MIOX: variants seen among roughly 807,000 people sequenced by gnomAD.
MIOX encodes the protein myo-inositol oxygenase.
Under a neutral mutation model 42.7 loss-of-function variants are expected in MIOX, and 51 were observed. That is an observed-to-expected ratio of 1.19 (90% confidence interval 0.95 to 1.51). The LOEUF is 1.51. MIOX is among the 40% of genes most tolerant of loss of function. MIOX has a pLI of 0.00. For synonymous variants in MIOX, 168 were observed against 154.4 expected (o/e 1.09, Z -0.65); for missense variants, 395 against 381.3 (o/e 1.04, Z -0.30).
chr22:50,487,478 C>T lies in MIOX; in HGVS notation c.96+13C>T, dbSNP rs746385636. 6.2e-7 allele frequency: 1 copy of T among 1,608,630 alleles called. No homozygotes were observed. Among genetic ancestry groups the T allele is most frequent in the East Asian group, 2.2e-5 (1 of 44,886 alleles). ...CCGGAACTACACGGTGAGTACCTTG[C>T]CGTCCTGCCCCCCTTCTCCCCCATC... is the stretch of plus-strand genomic sequence containing the variant. On this transcript the variant is annotated intron_variant, in intron 2 of 9. Coordinates refer to ENST00000216075, the MANE Select transcript of MIOX (RefSeq NM_017584.6).
chr22:50,489,339 G>A (rs1193735585), intron 7 of MIOX, 44 bp downstream of exon 7: 2 of 1,448,154 alleles, frequency 1.4e-6, no homozygotes, highest in Admixed American at 2.1e-5. Flanking sequence ...GGCGGTGGGG[G>A]ACGGTGGGGG....
chr22:50,488,160 TGCCTGGGTTGG>T lies in MIOX; in HGVS notation c.341-113_341-103del, dbSNP rs982524567. The stretch of plus-strand genomic sequence containing the variant: ...GGGCCCAGGCCTCCTCCAGCAGCCC[TGCCTGGGTTGG>T]GGAGCAGGCCCTGGACCCTTCCTGG... On this transcript the variant is annotated intron_variant, in intron 4 of 9. Coordinates refer to ENST00000216075, the MANE Select transcript of MIOX (RefSeq NM_017584.6). The T allele has an allele frequency of 1.9e-4, 308 of 1,583,092 alleles. 2 individuals are homozygous for T. Among genetic ancestry groups the T allele is most frequent in the Non-Finnish European group, 3.1e-5 (36 of 1,161,152 alleles).
In MIOX at chr22:50,488,458, G is replaced by A. The variant is rs937955204; in HGVS notation, c.408+116G>A. The A allele has an allele frequency of 3.3e-5, 28 of 846,398 alleles. No homozygotes were observed. The Admixed American group carries it at 5.0e-4, about 15-fold the overall frequency. The allele number at this position is 846,398 out of a possible 1,614,324, so 52.4% of individuals were successfully genotyped here. A position where few individuals can be genotyped will look rare whatever the true frequency, so the allele number is the denominator to read the frequency against. ...GGGGACAGGCCAGTGCACCCCCCAC[G>A]GCCCCCCGACGGCTGCCTGTCCCTC... is the stretch of plus-strand genomic sequence containing the variant. On this transcript the variant is annotated intron_variant, in intron 5 of 9. Coordinates refer to ENST00000216075, the MANE Select transcript of MIOX (RefSeq NM_017584.6).
chr22:50,489,018 C>CGTCCCGTCCCTCCT, intron 5 of MIOX, 22 bp from the exon 6 acceptor site: 1 of 1,449,932 alleles, frequency 6.9e-7, no homozygotes, highest in Non-Finnish European at 9.5e-7. Context: ...CATGGCCTCC[C>CGTCCCGTCCCTCCT]GTCCCTCCTG....
Position 50,490,147 on chromosome 22 carries a change from C to T in MIOX, c.*291C>T. The T allele has an allele frequency of 2.1e-6, 1 of 465,690 alleles. No individual in the cohort carries two copies. The highest frequency in any genetic ancestry group is 4.0e-6 in the Non-Finnish European group (1 of 252,896). 28.8% of individuals were successfully genotyped at this position (465,690 alleles called of 1,614,324 possible). A position where few individuals can be genotyped will look rare whatever the true frequency, so the allele number is the denominator to read the frequency against. On this transcript the variant is annotated 3_prime_UTR_variant, in exon 10 of 10. Transcript: ENST00000216075. ...GTCCCAGGCTTTCAGGTGTGTGTGTCCCACCACACTGGCCGTGGTAAACAT... is the reference window on the plus strand; with the variant it reads ...GTCCCAGGCTTTCAGGTGTGTGTGTTCCACCACACTGGCCGTGGTAAACAT...
chr22:50,488,672 C>T (rs2068308530), intron 5 of MIOX, among the ~76,000 whole-genome samples: 1 of 148,208 alleles, frequency 6.7e-6, no homozygotes, highest in Non-Finnish European at 1.5e-5. Context: ...CCATGGCCGC[C>T]TGTCCCTCCT....
intron 1 of MIOX, 27 bp downstream of exon 1, chr22:50,486,939 G>A (rs1223942070): frequency 6.2e-7 from 1 of 1,612,972 alleles, no homozygotes; most frequent in African/African-American, 1.3e-5. Flanking sequence ...CATGCAGAGA[G>A]GCTCTGCTGA....
intron 4 of MIOX, 26 bp from the exon 5 acceptor site, chr22:50,488,249 A>T (rs201871327): frequency 8.7e-6 from 14 of 1,613,490 alleles, no homozygotes; most frequent in Non-Finnish European, 7.6e-6. Flanking sequence ...GCAGTCCCCA[A>T]CCTGCCCTGT....
chr22:50,487,611 G>A (rs1310763208), intron 2 of MIOX, 51 bp from the exon 3 acceptor site: 1 of 1,578,376 alleles, frequency 6.3e-7, no homozygotes, highest in African/African-American at 1.3e-5. Context: ...GGGGAGGCAT[G>A]GGGCCTCGTG....
At chr22:50,488,848 G>A (rs533270596) in intron 5 of MIOX, among the ~76,000 whole-genome samples, 192 bp from the exon 6 acceptor site, 2 of 65,172 alleles carry the variant, frequency 3.1e-5, no homozygotes, top group African/African-American at 1.1e-4. Context: ...GGCAGTCATC[G>A]GCAACATCTT....
At position 50,487,429 on chromosome 22, in the gene MIOX, G is replaced by A. The variant is rs142061192; in HGVS notation, c.60G>A (p.Glu20=). The change falls in exon 2 of 10, where the codon GAG becomes GAA. Residue 20 remains glutamate (E), a synonymous_variant. Coordinates refer to ENST00000216075, the MANE Select transcript of MIOX (RefSeq NM_017584.6). The stretch of plus-strand genomic sequence containing the variant: ...TCTACCGACCTGATGTGGACCCAGA[G>A]GTGGCCAAAGACAAGGCCAGCTTCC... ...SLVYRPDVDP[E]VAKDKASFRN... The A allele has an allele frequency of 6.2e-7, 1 of 1,613,772 alleles. No homozygotes were observed. Among genetic ancestry groups the A allele is most frequent in the African/African-American group, 1.3e-5 (1 of 74,910 alleles).
At chr22:50,487,307 C>A in intron 1 of MIOX, 78 bp from the exon 2 acceptor site, 2 of 1,269,052 alleles carry the variant, frequency 1.6e-6, no homozygotes, top group Non-Finnish European at 2.2e-6. Flanking sequence ...TTGGAGTCTG[C>A]AGCCACCCTG....
chr22:50,488,168 T>C (rs2068298125), intron 4 of MIOX, 107 bp from the exon 5 acceptor site: 1 of 1,583,780 alleles, frequency 6.3e-7, no homozygotes, highest in Admixed American at 1.8e-5. Context: ...CCTGCCTGGG[T>C]TGGGGAGCAG....
At chr22:50,487,834 G>A in intron 3 of MIOX, 52 bp from the exon 4 acceptor site, 2 of 1,612,136 alleles carry the variant, frequency 1.2e-6, no homozygotes, top group East Asian at 2.2e-5. Flanking sequence ...GGAGAGGCCT[G>A]TGTGGTGGGC....
At chr22:50,488,107 A>G in intron 4 of MIOX, 59 bp downstream of exon 4, 2 of 1,606,898 alleles carry the variant, frequency 1.2e-6, no homozygotes, top group Non-Finnish European at 1.7e-6. Flanking sequence ...AGAATGCAGC[A>G]GCCTGTAGGG....
chr22:50,489,559 T>G lies in MIOX; in HGVS notation c.664T>G (p.Phe222Val). The change falls in exon 9 of 10, where the codon TTC becomes GTC. Residue 222 changes from phenylalanine (F) to valine (V), a missense_variant. Transcript: ENST00000216075. Reference protein sequence around the residue: ...EAFYMIRFHSFYPWHTGRDYQ... With the variant: ...EAFYMIRFHSVYPWHTGRDYQ... ...TTTCTACATGATCCGGTTCCACTCC[T>G]TCTACCCCTGGCACACGGGCCGCGA... 6.2e-7 allele frequency: 1 copy of G among 1,612,724 alleles called. No homozygotes were observed. Among genetic ancestry groups the G allele is most frequent in the Non-Finnish European group, 8.5e-7 (1 of 1,179,870 alleles).
At chr22:50,487,003 C>T (rs1021734659) in intron 1 of MIOX, 91 bp downstream of exon 1, 2 of 1,510,218 alleles carry the variant, frequency 1.3e-6, no homozygotes, top group African/African-American at 2.8e-5. Flanking sequence ...CACTGGCCAG[C>T]CCTCCTCCTC....
rs960908091 is a variant in MIOX, at chr22:50,487,595, G to A, written c.97-67G>A. The A allele has an allele frequency of 1.9e-6, 3 of 1,566,150 alleles. No homozygotes were observed. The African/African-American group carries it at 4.1e-5, about 21-fold the overall frequency. The stretch of plus-strand genomic sequence containing the variant: ...CCCATCACACCCTGTGGGGCTGCCT[G>A]GGAGAGGGGAGGCATGGGGCCTCGT... On this transcript the variant is annotated intron_variant, in intron 2 of 9. Coordinates refer to ENST00000216075, the MANE Select transcript of MIOX (RefSeq NM_017584.6).
At chr22:50,488,627 C>T (rs903956808) in intron 5 of MIOX, among the ~76,000 whole-genome samples, 6 of 138,538 alleles carry the variant, frequency 4.3e-5, no homozygotes, top group Non-Finnish European at 1.6e-5. Context: ...AGTGCACCCC[C>T]CACGGCCTCC....
Sources: gnomAD v4.1 joint callset for allele counts (sites outside exome capture counted in the v4.1 genomes callset) on GRCh38, gnomAD v4.1.1 for gene constraint, MANE v1.5 for transcripts, NCBI Gene and HGNC (gene_info 2026-07-23, HGNC 2026-07-21) for gene names.